The following GRK4 variants were observed in gnomAD, a reference collection of about 807,000 sequenced individuals.
GRK4 encodes the protein G protein-coupled receptor kinase 4.
GRK4 carries 73 observed loss-of-function variants against 77.9 expected under a neutral mutation model. That is an observed-to-expected ratio of 0.94 (90% CI 0.78 to 1.14). The LOEUF (loss-of-function observed/expected upper bound fraction) is 1.14, where lower values mean the gene tolerates loss of function less well. Among genes scored for constraint, GRK4 ranks in the 50% most tolerant of loss-of-function variants. The pLI is 0.00. For synonymous variants in GRK4, 257 were observed against 254.4 expected (o/e 1.01, Z -0.10); for missense variants, 729 against 700.2 (o/e 1.04, Z -0.46).
chr4:2,964,393 C>T (rs1716800139), intron 1 of GRK4, among the ~76,000 whole-genome samples: 1 of 152,070 alleles, frequency 6.6e-6, no homozygotes. Context: ...TGCCCTGTGT[C>T]CTTGTCCTGT....
chr4:2,982,241 G>A (rs964394212), intron 1 of GRK4, among the ~76,000 whole-genome samples: 1 of 152,206 alleles, frequency 6.6e-6, no homozygotes, highest in Admixed American at 6.5e-5. Context: ...GGCTTCCGCC[G>A]GCACTGGCCA....
chr4:2,968,029 G>A (rs181820584), intron 1 of GRK4, among the ~76,000 whole-genome samples: 2 of 151,196 alleles, frequency 1.3e-5, no homozygotes, highest in African/African-American at 4.9e-5. Context: ...GATCACAGGT[G>A]ATCCACCCGC....
intron 6 of GRK4, among the ~76,000 whole-genome samples, chr4:3,008,351 C>G (rs1731913277): frequency 2.0e-5 from 3 of 152,286 alleles, no homozygotes; most frequent in Admixed American, 2.0e-4. Context: ...TATGTGGCCT[C>G]AGGTAAGTGG....
chr4:3,028,673 T>A (rs189684833), intron 11 of GRK4, among the ~76,000 whole-genome samples: 2 of 152,332 alleles, frequency 1.3e-5, no homozygotes, highest in African/African-American at 2.4e-5. Flanking sequence ...TATTGGGATA[T>A]AATTCATATA....
At chr4:2,986,130 T>C (rs1489971382) in intron 2 of GRK4, among the ~76,000 whole-genome samples, 1 of 152,126 alleles carries the variant, frequency 6.6e-6, no homozygotes, top group East Asian at 1.9e-4. Flanking sequence ...AAAAAGATTG[T>C]ATCAATTTAC....
At chr4:3,027,155 T>C (rs1737813987) in intron 10 of GRK4, among the ~76,000 whole-genome samples, 1 of 152,224 alleles carries the variant, frequency 6.6e-6, no homozygotes, top group Non-Finnish European at 1.5e-5. Flanking sequence ...TCCTCCTGCC[T>C]CAGCCTCCAG....
chr4:2,998,535 A>G (rs1297064105), intron 4 of GRK4, among the ~76,000 whole-genome samples: 1 of 152,190 alleles, frequency 6.6e-6, no homozygotes, highest in Non-Finnish European at 1.5e-5. Context: ...AAGTCACTAT[A>G]CAAAATTTAA....
chr4:3,013,908 G>T, intron 8 of GRK4, 80 bp downstream of exon 8: 3 of 1,397,430 alleles, frequency 2.1e-6, no homozygotes, highest in Admixed American at 4.8e-5. Flanking sequence ...CTCAGCTCAC[G>T]CTCACTGAAG....
chr4:3,028,916 C>T (rs933483203), intron 11 of GRK4, among the ~76,000 whole-genome samples: 6 of 152,082 alleles, frequency 3.9e-5, no homozygotes, highest in Admixed American at 3.3e-4. Flanking sequence ...GAACTACAGG[C>T]GCCTGCCGCC....
chr4:3,001,073 C>CTATATATATATATATATATATATATA (rs368506630), intron 4 of GRK4, among the ~76,000 whole-genome samples: 1 of 76,124 alleles, frequency 1.3e-5, no homozygotes, highest in Non-Finnish European at 2.7e-5. Context: ...CTAAATGAGA[C>CTATATATATATATATATATATATATA]TATATATATA....
chr4:2,984,553 G>A lies in GRK4; in HGVS notation c.93G>A (p.Lys31=). 6.2e-7 allele frequency: 1 copy of A among 1,613,328 alleles called. No homozygotes were observed. The highest frequency in any genetic ancestry group is 2.2e-5 in the East Asian group (1 of 44,832). The change falls in exon 2 of 16, where the codon AAG becomes AAA. Residue 31 remains lysine (K), a synonymous_variant. Coordinates refer to ENST00000398052, the MANE Select transcript of GRK4 (RefSeq NM_182982.3). ...AAAGTGGTCGTAGTAAAAAATGGAA[G>A]GAGATACTGACACTGCCTCCTGTCA... ...GKKSGRSKKW[K]EILTLPPVSQ... is the part of the protein sequence containing the mutation.
At chr4:3,035,949 C>G (rs1740502399) in intron 13 of GRK4, among the ~76,000 whole-genome samples, 1 of 152,040 alleles carries the variant, frequency 6.6e-6, no homozygotes, top group East Asian at 1.9e-4. Context: ...GGGAGCCCCC[C>G]AGGTAGCTGA....
In GRK4 at chr4:2,992,216, C is replaced by T; in HGVS notation, c.263C>T (p.Ala88Val). ...KRHIEFLDAV[A>V]EYEVADDEDR... Reference sequence around the variant, plus strand: ...CTTTTCTTCCATCTCTCCAATCAGGCAGAATATGAAGTTGCCGATGATGAG... The same window carrying T: ...CTTTTCTTCCATCTCTCCAATCAGGTAGAATATGAAGTTGCCGATGATGAG... Residue 88 changes from alanine to valine, a missense_variant and splice_region_variant, in exon 4 of 16, where the codon GCA becomes GTA. By Grantham distance (64) the Ala-to-Val change is moderately conservative. Coordinates refer to ENST00000398052, the MANE Select transcript of GRK4 (RefSeq NM_182982.3). The T allele has an allele frequency of 1.2e-6, 2 of 1,604,292 alleles. No homozygotes were observed. The highest frequency in any genetic ancestry group is 8.5e-7 in the Non-Finnish European group (1 of 1,171,472).
At chr4:2,994,023 A>T (rs1727073974) in intron 4 of GRK4, among the ~76,000 whole-genome samples, 1 of 152,200 alleles carries the variant, frequency 6.6e-6, no homozygotes, top group African/African-American at 2.4e-5. Context: ...ATCTAGCAGC[A>T]CAAAGATACA....
At chr4:2,973,716 C>T (rs1720266613) in intron 1 of GRK4, among the ~76,000 whole-genome samples, 1 of 152,208 alleles carries the variant, frequency 6.6e-6, no homozygotes, top group South Asian at 2.1e-4. Context: ...TCACCTGGAA[C>T]ACCGTGGTCA....
rs775204059 is a variant in GRK4, at chr4:3,004,318, T to C, written c.427T>C (p.Phe143Leu). ...GGAGGAGAACCCTTCCAAAAAAGCC[T>C]TTGAGGAATGTACTAGGTAAGTGGT... ...LKEENPSKKA[F>L]EECTRVAHNY... The change falls in exon 5 of 16, where the codon TTT becomes CTT. Residue 143 changes from phenylalanine (F) to leucine (L), a missense_variant. Physicochemically the swap from Phe to Leu is conservative, Grantham distance 22. Transcript: ENST00000398052. The C allele has an allele frequency of 6.2e-7, 1 of 1,606,878 alleles. No homozygotes were observed. Among genetic ancestry groups the C allele is most frequent in the East Asian group, 2.2e-5 (1 of 44,850 alleles).
At chr4:3,020,388 T>C (rs1250261647) in intron 9 of GRK4, among the ~76,000 whole-genome samples, 1 of 152,216 alleles carries the variant, frequency 6.6e-6, no homozygotes, top group Non-Finnish European at 1.5e-5. Flanking sequence ...GTGCTACTCA[T>C]GTAAGCATAA....
chr4:2,967,540 A>G (rs1217270415), intron 1 of GRK4, among the ~76,000 whole-genome samples: 1 of 152,066 alleles, frequency 6.6e-6, no homozygotes. Context: ...AGCTGGGACT[A>G]CAGGCACCCA....
intron 4 of GRK4, among the ~76,000 whole-genome samples, chr4:3,003,459 G>A (rs913031161): frequency 6.6e-6 from 1 of 151,914 alleles, no homozygotes; most frequent in Non-Finnish European, 1.5e-5. Flanking sequence ...CCAAAGTGCT[G>A]GGATTACAGG....
Sources: allele counts gnomAD v4.1 joint callset (sites outside exome capture counted in the v4.1 genomes callset), GRCh38; gene constraint gnomAD v4.1.1; transcripts MANE v1.5; gene names NCBI Gene and HGNC (gene_info 2026-07-23, HGNC 2026-07-21).